The following DEFA4 variants were observed in gnomAD, a reference collection of about 807,000 sequenced individuals.
The protein encoded by DEFA4 is defensin alpha 4, also known as corticostatin.
A neutral mutation model predicts 4.4 loss-of-function variants in DEFA4; 8 were observed. That is an observed-to-expected ratio of 1.82 (90% CI 1.07 to 3.29). The LOEUF (loss-of-function observed/expected upper bound fraction) is 3.29. DEFA4 is among the 30% of genes most tolerant of loss of function. The probability of loss-of-function intolerance (pLI) is 0.00; values close to 1 mark genes in which losing one functional copy is unlikely to be tolerated. For synonymous variants in DEFA4, 77 were observed against 46.5 expected, an observed-to-expected ratio of 1.66 and a Z score of -2.67; for missense variants, 216 against 127.0, an observed-to-expected ratio of 1.70 and a Z score of -3.37.
chr8:6,938,225 C>T lies in DEFA4; in HGVS notation c.-13+1G>A, dbSNP rs192621798. ...GAAAGTTTAAGTTTTGTGTTACTTA[C>T]AGATCCTCAAGCTAGGCAGGGCGAG... On this transcript the variant is annotated splice_donor_variant, in intron 1 of 2. Transcript: ENST00000297435. LOFTEE classifies it low-confidence loss of function (5UTR_SPLICE). The T allele has an allele frequency of 6.6e-6, 1 of 152,316 alleles. No individual in the cohort carries two copies. The highest frequency in any genetic ancestry group is 2.4e-5 in the African/African-American group (1 of 41,564). The allele number at this position is 152,316 out of a possible 1,614,324, so 9.4% of individuals were successfully genotyped here.
chr8:6,935,948 T>G lies in DEFA4; in HGVS notation c.*72A>C. 6.2e-7 allele frequency: 1 copy of G among 1,606,228 alleles called. No individual in the cohort carries two copies. The highest frequency in any genetic ancestry group is 8.5e-7 in the Non-Finnish European group (1 of 1,173,826). On this transcript the variant is annotated 3_prime_UTR_variant, in exon 3 of 3. Coordinates refer to ENST00000297435, the MANE Select transcript of DEFA4 (RefSeq NM_001925.3). ...TTTTTCTCTATTCTGCAAGCTCAGC[T>G]GCAGAAGCATGTGAAGCTAACACCA...
chr8:6,938,002 G>A (rs1200371646), intron 1 of DEFA4, among the ~76,000 whole-genome samples: 1 of 152,138 alleles, frequency 6.6e-6, no homozygotes, highest in Non-Finnish European at 1.5e-5. Flanking sequence ...TATTGGACAT[G>A]TCAAGTAGGA....
Position 6,936,748 on chromosome 8 carries a change from C to G in DEFA4, c.152G>C (p.Ser51Thr), listed in dbSNP as rs987400473. 1.2e-6 allele frequency: 2 copies of G among 1,609,566 alleles called. No individual in the cohort carries two copies. Among genetic ancestry groups the G allele is most frequent in the African/African-American group, 1.3e-5 (1 of 74,782 alleles). Residue 51 changes from serine to threonine, a missense_variant, in exon 2 of 3, where the codon AGC (serine) becomes ACC (threonine). Coordinates refer to ENST00000297435, the MANE Select transcript of DEFA4 (RefSeq NM_001925.3). ...CTCACCTGAAACCTGAAGAGCAGAG[C>G]TTTTATCCCATGCAAAGGAAATAGA... ...DISISFAWDK[S>T]SALQVSGSTR...
rs1808831585 is a variant in DEFA4, at chr8:6,936,027, A to G, written c.287T>C (p.Val96Ala). ...CTCTTGGACAGCAGAACGTTAATCG[A>G]CACGCGTGCAGCAGTATGTGAAACT... is the stretch of plus-strand genomic sequence containing the variant. The part of the protein sequence containing the change: ...GVSFTYCCTR[V>A]D The change falls in exon 3 of 3, where the codon GTC (valine) becomes GCC (alanine). Residue 96 changes from valine (V) to alanine (A), a missense_variant. Transcript: ENST00000297435. 1 of 1,613,688 alleles carries G rather than the reference A, an allele frequency of 6.2e-7. No individual in the cohort carries two copies. The highest frequency in any genetic ancestry group is 1.1e-5 in the South Asian group (1 of 90,978).
At chr8:6,937,140 A>G (rs1808892647) in intron 1 of DEFA4, among the ~76,000 whole-genome samples, 1 of 152,090 alleles carries the variant, frequency 6.6e-6, no homozygotes, top group African/African-American at 2.4e-5. Context: ...TGTCTGTGCT[A>G]GGTTGAAGTT....
Position 6,935,975 on chromosome 8 carries a change from C to T in DEFA4, c.*45G>A, listed in dbSNP as rs758747774. On this transcript the variant is annotated 3_prime_UTR_variant, in exon 3 of 3. Coordinates refer to ENST00000297435, the MANE Select transcript of DEFA4 (RefSeq NM_001925.3). ...CAGAAGCATGTGAAGCTAACACCACCGATGATGGCGTTCCCAGCATGACAT... is the reference window on the plus strand; with the variant it reads ...CAGAAGCATGTGAAGCTAACACCACTGATGATGGCGTTCCCAGCATGACAT... The T allele has an allele frequency of 2.4e-5, 39 of 1,611,526 alleles. No individual in the cohort carries two copies. The highest frequency in any genetic ancestry group is 5.3e-5 in the African/African-American group (4 of 74,892).
At chr8:6,936,673 C>A in intron 2 of DEFA4, 55 bp downstream of exon 2, 1 of 1,474,710 alleles carries the variant, frequency 6.8e-7, no homozygotes, top group African/African-American at 1.4e-5. Context: ...TTCCAGAGCC[C>A]ATCTCCCATC....
chr8:6,935,937 G>T lies in DEFA4; in HGVS notation c.*83C>A. On this transcript the variant is annotated 3_prime_UTR_variant, in exon 3 of 3. Transcript: ENST00000297435. ...TTATGAGCTCATTTTTCTCTATTCT[G>T]CAAGCTCAGCTGCAGAAGCATGTGA... 8.2e-6 allele frequency: 13 copies of T among 1,594,368 alleles called. No individual in the cohort carries two copies. Among genetic ancestry groups the T allele is most frequent in the Non-Finnish European group, 1.0e-5 (12 of 1,164,340 alleles).
chr8:6,937,575 A>C (rs1489339328), intron 1 of DEFA4, among the ~76,000 whole-genome samples: 1 of 152,172 alleles, frequency 6.6e-6, no homozygotes, highest in Non-Finnish European at 1.5e-5. Flanking sequence ...CAGCATGTAA[A>C]AAATCAGCTC....
chr8:6,936,987 G>A (rs930567557), intron 1 of DEFA4, 76 bp from the exon 2 acceptor site: 34 of 1,293,330 alleles, frequency 2.6e-5, no homozygotes, highest in Admixed American at 1.9e-4. Context: ...CTGGGAGAAG[G>A]CACAGAGATA....
chr8:6,937,478 T>C (rs2117339855), intron 1 of DEFA4, among the ~76,000 whole-genome samples: 1 of 152,124 alleles, frequency 6.6e-6, no homozygotes, highest in African/African-American at 2.4e-5. Flanking sequence ...CTTATCAGGG[T>C]ACAGGTGAAA....
intron 1 of DEFA4, 101 bp downstream of exon 1, chr8:6,938,125 G>C (rs754121118): frequency 6.6e-6 from 1 of 152,164 alleles, no homozygotes; most frequent in African/African-American, 2.4e-5. Context: ...GGCTTCACCC[G>C]CTGGGTCCCT....
Position 6,935,918 on chromosome 8 carries a change from G to A in DEFA4, c.*102C>T, listed in dbSNP as rs2117335764. The A allele has an allele frequency of 1.3e-6, 2 of 1,543,652 alleles. No homozygotes were observed. Among genetic ancestry groups the A allele is most frequent in the Admixed American group, 1.7e-5 (1 of 59,240 alleles). On this transcript the variant is annotated 3_prime_UTR_variant, in exon 3 of 3. Transcript: ENST00000297435. ...CTGTAGCTCTCAAAGCAAATTATGA[G>A]CTCATTTTTCTCTATTCTGCAAGCT...
Position 6,936,009 on chromosome 8 carries a change from A to C in DEFA4, c.*11T>G. The C allele has an allele frequency of 6.2e-7, 1 of 1,613,712 alleles. No homozygotes were observed. The highest frequency in any genetic ancestry group is 8.5e-7 in the Non-Finnish European group (1 of 1,179,752). On this transcript the variant is annotated 3_prime_UTR_variant, in exon 3 of 3. Transcript: ENST00000297435. ...CGTTCCCAGCATGACATTCTCTTGG[A>C]CAGCAGAACGTTAATCGACACGCGT... is the stretch of plus-strand genomic sequence containing the variant.
chr8:6,937,599 G>C lies in DEFA4; in HGVS notation c.-13+627C>G, dbSNP rs2117340167. ...AAAAATCAGCTCAACATGGATTGAAGACTCAACATAGACTTGAAAAGACCT... is the reference window on the plus strand; with the variant it reads ...AAAAATCAGCTCAACATGGATTGAACACTCAACATAGACTTGAAAAGACCT... On this transcript the variant is annotated intron_variant, in intron 1 of 2. Transcript: ENST00000297435. Among the ~76,000 whole-genome samples, 3 of 152,266 alleles carry C rather than the reference G, an allele frequency of 2.0e-5. No individual in the cohort carries two copies. The East Asian group carries it at 5.8e-4, about 29-fold the overall frequency.
chr8:6,937,543 A>G (rs978020556), intron 1 of DEFA4, among the ~76,000 whole-genome samples: 3 of 151,752 alleles, frequency 2.0e-5, no homozygotes, highest in African/African-American at 7.3e-5. Flanking sequence ...TGCTAGGTGC[A>G]TACACGTGGT....
At position 6,936,009 on chromosome 8, in the gene DEFA4, A is replaced by G. The variant is rs572566325; in HGVS notation, c.*11T>C. ...CGTTCCCAGCATGACATTCTCTTGG[A>G]CAGCAGAACGTTAATCGACACGCGT... is the stretch of plus-strand genomic sequence containing the variant. On this transcript the variant is annotated 3_prime_UTR_variant, in exon 3 of 3. Transcript: ENST00000297435. The G allele has an allele frequency of 8.1e-6, 13 of 1,613,712 alleles. No homozygotes were observed. The African/African-American group carries it at 1.1e-4, about 13-fold the overall frequency.
intron 2 of DEFA4, 99 bp downstream of exon 2, chr8:6,936,629 A>T (rs937035062): frequency 7.0e-6 from 9 of 1,293,286 alleles, no homozygotes; most frequent in Non-Finnish European, 8.3e-6. Flanking sequence ...TGGTAAGTAA[A>T]GCCACCTAAG....
chr8:6,937,937 C>T (rs1563442373), intron 1 of DEFA4, among the ~76,000 whole-genome samples: 2 of 152,188 alleles, frequency 1.3e-5, no homozygotes, highest in Admixed American at 1.3e-4. Flanking sequence ...AGACCTAGGA[C>T]CTGCAGAGGC....
Sources: gnomAD v4.1 joint callset for allele counts (sites outside exome capture counted in the v4.1 genomes callset) on GRCh38, gnomAD v4.1.1 for gene constraint, MANE v1.5 for transcripts, NCBI Gene and HGNC (gene_info 2026-07-23, HGNC 2026-07-21) for gene names.